Variants in MAPKAP1 observed in about 807,000 individuals in gnomAD.
MAPKAP1 encodes target of rapamycin complex 2 subunit MAPKAP1.
MAPKAP1 carries 20 observed loss-of-function variants against 65.7 expected under a neutral mutation model. The observed-to-expected ratio is 0.30, with a 90% confidence interval of 0.21 to 0.44. MAPKAP1 has a LOEUF of 0.44. MAPKAP1 is among the 20% of genes least tolerant of loss of function. The pLI, the probability that MAPKAP1 is intolerant of heterozygous loss-of-function variation, is 1.00. For synonymous variants in MAPKAP1, 222 were observed against 244.3 expected, an observed-to-expected ratio of 0.91 and a Z score of 0.85; for missense variants, 423 against 648.0, an observed-to-expected ratio of 0.65 and a Z score of 3.77.
intron 9 of MAPKAP1, among the ~76,000 whole-genome samples, chr9:125,475,378 G>C (rs927441386): frequency 6.6e-6 from 1 of 152,200 alleles, no homozygotes; most frequent in Admixed American, 6.5e-5. Flanking sequence ...AAACCCAGTA[G>C]AGCCTTACTT....
chr9:125,517,912 TC>T (rs1479162899), intron 7 of MAPKAP1, among the ~76,000 whole-genome samples: 2 of 151,900 alleles, frequency 1.3e-5, no homozygotes, highest in Non-Finnish European at 2.9e-5. Context: ...TATTTGTCAT[TC>T]CCCCCACCTA....
chr9:125,557,348 CAT>C (rs1404766844), intron 6 of MAPKAP1, among the ~76,000 whole-genome samples: 1 of 152,026 alleles, frequency 6.6e-6, no homozygotes, highest in African/African-American at 2.4e-5. Flanking sequence ...AAGTTCTAGT[CAT>C]ATTAATAATC....
At chr9:125,512,554 T>C (rs192973667) in intron 7 of MAPKAP1, among the ~76,000 whole-genome samples, 6 of 151,988 alleles carry the variant, frequency 3.9e-5, no homozygotes, top group Admixed American at 2.6e-4. Context: ...TCCTCTCACG[T>C]AGTTTATTGG....
chr9:125,496,383 A>T (rs1854948383), intron 8 of MAPKAP1, among the ~76,000 whole-genome samples: 1 of 152,266 alleles, frequency 6.6e-6, no homozygotes, highest in South Asian at 2.1e-4. Flanking sequence ...ACTGGCTTTC[A>T]GCAATAACAA....
rs200042461 is a variant in MAPKAP1 at position 125,459,784 on chromosome 9, C to T, written c.1345+8188G>A. On this transcript the variant is annotated intron_variant, in intron 10 of 11. Transcript: ENST00000265960. ...GCAGCAGTACAGTCCAGCTTCGGCT[C>T]GGCATCAGAGGGAGACCGTGGAAAG... Among the ~76,000 whole-genome samples, 13 of 77,958 alleles carry T rather than the reference C, an allele frequency of 1.7e-4. No individual in the cohort carries two copies. The East Asian group carries it at 3.4e-3, about 20-fold the overall frequency. The allele number at this position is 77,958 out of a possible 152,430, so 51.1% of individuals were successfully genotyped here.
intron 7 of MAPKAP1, among the ~76,000 whole-genome samples, chr9:125,510,732 A>G (rs906027715): frequency 1.3e-5 from 2 of 152,206 alleles, no homozygotes; most frequent in East Asian, 1.9e-4. Context: ...ATGAAACTCG[A>G]TATCTAAATC....
At chr9:125,605,329 A>G (rs1427607918) in intron 4 of MAPKAP1, among the ~76,000 whole-genome samples, 1 of 152,244 alleles carries the variant, frequency 6.6e-6, no homozygotes, top group African/African-American at 2.4e-5. Context: ...GAAAGCAGAC[A>G]GCTTCCATTC....
intron 7 of MAPKAP1, among the ~76,000 whole-genome samples, chr9:125,528,614 C>T (rs1429941686): frequency 4.0e-5 from 6 of 151,868 alleles, no homozygotes; most frequent in South Asian, 2.1e-4. Context: ...TTTGGGAGGC[C>T]GAGGCAGGTG....
intron 3 of MAPKAP1, among the ~76,000 whole-genome samples, chr9:125,660,259 C>T (rs1287134315): frequency 6.6e-6 from 1 of 152,114 alleles, no homozygotes; most frequent in African/African-American, 2.4e-5. Flanking sequence ...CAGAACAATG[C>T]TTGCCTCTGG....
At chr9:125,576,722 T>A (rs1431277088) in intron 5 of MAPKAP1, among the ~76,000 whole-genome samples, 1 of 152,262 alleles carries the variant, frequency 6.6e-6, no homozygotes, top group Non-Finnish European at 1.5e-5. Context: ...GGTTTCGCTG[T>A]GTTGGCCGGG....
At chr9:125,496,934 G>T (rs1285331635) in intron 8 of MAPKAP1, among the ~76,000 whole-genome samples, 2 of 152,136 alleles carry the variant, frequency 1.3e-5, no homozygotes, top group African/African-American at 2.4e-5. Context: ...ATGCAGAGGG[G>T]ACTCAGACTG....
At chr9:125,534,038 G>A (rs1423269536) in intron 7 of MAPKAP1, among the ~76,000 whole-genome samples, 1 of 152,180 alleles carries the variant, frequency 6.6e-6, no homozygotes, top group Non-Finnish European at 1.5e-5. Context: ...TATCATATAT[G>A]CTGTGTGACA....
intron 10 of MAPKAP1, among the ~76,000 whole-genome samples, chr9:125,463,345 G>A (rs2132979890): frequency 6.6e-6 from 1 of 152,352 alleles, no homozygotes; most frequent in East Asian, 1.9e-4. Flanking sequence ...TAAGGTTGCT[G>A]AAGATCACAA....
At chr9:125,532,349 C>T (rs1452875211) in intron 7 of MAPKAP1, among the ~76,000 whole-genome samples, 1 of 152,170 alleles carries the variant, frequency 6.6e-6, no homozygotes, top group Non-Finnish European at 1.5e-5. Flanking sequence ...AAAATGGAAT[C>T]ATTACCTTGG....
intron 1 of MAPKAP1, among the ~76,000 whole-genome samples, chr9:125,687,338 G>A (rs1835014454): frequency 6.6e-6 from 1 of 152,134 alleles, no homozygotes; most frequent in African/African-American, 2.4e-5. Context: ...AGTGACATCT[G>A]CTATGGATTA....
At chr9:125,555,488 T>C (rs976341787) in intron 6 of MAPKAP1, among the ~76,000 whole-genome samples, 5 of 152,356 alleles carry the variant, frequency 3.3e-5, no homozygotes, top group Admixed American at 2.6e-4. Context: ...GCCCCGGGAA[T>C]AGCCGGTGTG....
chr9:125,438,828 C>T lies in MAPKAP1; in HGVS notation c.*59G>A. The stretch of plus-strand genomic sequence containing the variant: ...TCAGGACACCGGGTGGACTCTAGGG[C>T]ACTTGGCCCTGGCAGGCAGGCTCTG... On this transcript the variant is annotated 3_prime_UTR_variant, in exon 12 of 12. Coordinates refer to ENST00000265960, the MANE Select transcript of MAPKAP1 (RefSeq NM_001006617.3). 1 of 1,609,516 alleles carries T rather than the reference C, an allele frequency of 6.2e-7. No homozygotes were observed. Among genetic ancestry groups the T allele is most frequent in the African/African-American group, 1.3e-5 (1 of 74,960 alleles).
At chr9:125,593,861 A>G (rs1832044686) in intron 4 of MAPKAP1, among the ~76,000 whole-genome samples, 1 of 152,208 alleles carries the variant, frequency 6.6e-6, no homozygotes, top group Non-Finnish European at 1.5e-5. Flanking sequence ...TTCATATCCC[A>G]CAGCCTCTCC....
intron 3 of MAPKAP1, among the ~76,000 whole-genome samples, chr9:125,663,143 A>G (rs1430610122): frequency 1.3e-5 from 2 of 152,244 alleles, no homozygotes; most frequent in Admixed American, 6.5e-5. Context: ...ATCACCTCAG[A>G]GAAAAAATAC....
Sources: allele counts gnomAD v4.1 joint callset (sites outside exome capture counted in the v4.1 genomes callset), GRCh38; gene constraint gnomAD v4.1.1; transcripts MANE v1.5; gene names NCBI Gene and HGNC (gene_info 2026-07-23, HGNC 2026-07-21).